Variants in CPD observed in about 807,000 individuals in gnomAD.
The protein encoded by CPD is metallocarboxypeptidase D.
Under a neutral mutation model 138.3 loss-of-function variants are expected in CPD, and 69 were observed. The observed-to-expected ratio is 0.50, with a 90% CI of 0.41 to 0.61. The LOEUF is 0.61. Among genes scored for constraint, CPD ranks in the 20% least tolerant of loss-of-function variants. The pLI, the probability that CPD is intolerant of heterozygous loss-of-function variation, is 0.00. For synonymous variants in CPD, 651 were observed against 642.1 expected (o/e 1.01, Z -0.21); for missense variants, 1,432 against 1,733.3 (o/e 0.83, Z 3.09).
At chr17:30,449,156 G>C (rs377148954) in intron 12 of CPD, among the ~76,000 whole-genome samples, 2 of 151,070 alleles carry the variant, frequency 1.3e-5, no homozygotes, top group East Asian at 3.9e-4. Flanking sequence ...ATAAATAAGG[G>C]AGGTTATCTA....
chr17:30,455,252 A>G, intron 14 of CPD, 87 bp from the exon 15 acceptor site: 1 of 1,107,216 alleles, frequency 9.0e-7, no homozygotes, highest in Non-Finnish European at 1.3e-6. Flanking sequence ...TAGCATTTTG[A>G]TTGTATTCAA....
chr17:30,380,582 A>G, intron 1 of CPD: 1 of 1,501,960 alleles, frequency 6.7e-7, no homozygotes. Flanking sequence ...ATTACAAAGT[A>G]GAAGAAGGAG....
intron 2 of CPD, among the ~76,000 whole-genome samples, chr17:30,411,848 A>G (rs909869380): frequency 6.6e-6 from 1 of 152,196 alleles, no homozygotes; most frequent in East Asian, 1.9e-4. Flanking sequence ...AACCTTCGGA[A>G]GCCTACTTCT....
chr17:30,398,103 A>G (rs1193216682), intron 2 of CPD, among the ~76,000 whole-genome samples: 2 of 151,966 alleles, frequency 1.3e-5, no homozygotes, highest in Non-Finnish European at 2.9e-5. Context: ...TGTGAATACC[A>G]ACTTAAAAAT....
intron 2 of CPD, among the ~76,000 whole-genome samples, chr17:30,409,769 C>T (rs533795901): frequency 1.3e-5 from 2 of 152,060 alleles, no homozygotes; most frequent in African/African-American, 4.8e-5. Context: ...GTCTTGCTAG[C>T]AGTCTATCAA....
At position 30,465,012 on chromosome 17, in the gene CPD, A is replaced by C; in HGVS notation, c.*198A>C. On this transcript the variant is annotated 3_prime_UTR_variant, in exon 21 of 21. Transcript: ENST00000225719. ...CCTTAAAGTACTCTAAACCTTTAAA[A>C]AAAAATCTGATTTATGCAGCAGAGA... The C allele has an allele frequency of 1.8e-6, 1 of 551,174 alleles. No individual in the cohort carries two copies. The highest frequency in any genetic ancestry group is 4.8e-4 in the Middle Eastern group (1 of 2,090). 34.1% of individuals were successfully genotyped at this position (551,174 alleles called of 1,614,324 possible). A position where few individuals can be genotyped will look rare whatever the true frequency, so the allele number is the denominator to read the frequency against.
At position 30,462,363 on chromosome 17, in the gene CPD, C is replaced by T; in HGVS notation, c.3817-7C>T. On this transcript the variant is annotated splice_polypyrimidine_tract_variant and splice_region_variant and intron_variant, in intron 19 of 20. Transcript: ENST00000225719. ...TTTGTCATGATTCTTACACTTTCTC[C>T]TTCTAGGTCTTTGTGCATCATGATG... 6.2e-7 allele frequency: 1 copy of T among 1,608,312 alleles called. No homozygotes were observed. The highest frequency in any genetic ancestry group is 2.2e-5 in the East Asian group (1 of 44,848).
In CPD at chr17:30,379,721, G is replaced by A. The variant is rs567150494; in HGVS notation, c.741G>A (p.Arg247=). ...EVRALIEWIR[R]NKFVLSGNLH... ...GCGCCCTCATCGAGTGGATCCGCAG[G>A]AACAAGTGAGTGTTGCCTGCCCCCT... Residue 247 remains arginine, a synonymous_variant, in exon 1 of 21, where the codon AGG becomes AGA. Transcript: ENST00000225719. The surrounding 1 kb of genome is among the most constrained non-coding windows in gnomAD (Gnocchi z 7.0). The A allele has an allele frequency of 6.7e-6, 10 of 1,486,836 alleles. No homozygotes were observed. The African/African-American group carries it at 7.4e-5, about 11-fold the overall frequency. 92.1% of individuals were successfully genotyped at this position (1,486,836 alleles called of 1,614,324 possible).
chr17:30,464,819 C>T lies in CPD; in HGVS notation c.*5C>T, dbSNP rs1226638824. 6 of 1,609,542 alleles carry T rather than the reference C, an allele frequency of 3.7e-6. No homozygotes were observed. Among genetic ancestry groups the T allele is most frequent in the South Asian group, 2.2e-5 (2 of 90,998 alleles). On this transcript the variant is annotated 3_prime_UTR_variant, in exon 21 of 21. Transcript: ENST00000225719. The stretch of plus-strand genomic sequence containing the variant: ...TTATATTCTAGCAAACATTGAAAAA[C>T]ACATTTTGCATATCTCCCAGCATAA...
intron 13 of CPD, 132 bp from the exon 14 acceptor site, chr17:30,451,579 T>G: frequency 2.5e-6 from 2 of 805,910 alleles, no homozygotes; most frequent in Non-Finnish European, 3.7e-6. Flanking sequence ...TTTTTTATTT[T>G]TTCATTCATC....
chr17:30,469,706 A>C lies in CPD; in HGVS notation c.*4892A>C, dbSNP rs1913735665. ...AAAGCATGGCAGTAAAGTTTTAATT[A>C]TGCCAAGATGCTTCATATTTGTTTT... On this transcript the variant is annotated 3_prime_UTR_variant, in exon 21 of 21. Coordinates refer to ENST00000225719, the MANE Select transcript of CPD (RefSeq NM_001304.5). 6.6e-6 allele frequency: 1 copy of C among 152,216 alleles called. No homozygotes were observed. The highest frequency in any genetic ancestry group is 6.5e-5 in the Admixed American group (1 of 15,280). The allele number at this position is 152,216 out of a possible 1,614,324, so 9.4% of individuals were successfully genotyped here.
At chr17:30,437,123 GTGGGGAGTAGGGGT>G (rs1912724676) in intron 8 of CPD, among the ~76,000 whole-genome samples, 1 of 151,652 alleles carries the variant, frequency 6.6e-6, no homozygotes, top group African/African-American at 2.4e-5. Context: ...TGGAGTGGGG[GTGGGGAGTAGGGGT>G]TGGGGAAAAA....
intron 2 of CPD, among the ~76,000 whole-genome samples, chr17:30,406,533 G>A (rs2143369534): frequency 6.6e-6 from 1 of 152,220 alleles, no homozygotes. Flanking sequence ...TTAAAAACCT[G>A]ATTAGGTAAC....
At position 30,469,195 on chromosome 17, in the gene CPD, A is replaced by G. The variant is rs1478911945; in HGVS notation, c.*4381A>G. On this transcript the variant is annotated 3_prime_UTR_variant, in exon 21 of 21. Transcript: ENST00000225719. Reference sequence around the variant, plus strand: ...AACAGACTCTGCTGATAAAGTACTCATAGTCCAGACCAGAGAAATATAAAT... The same window carrying G: ...AACAGACTCTGCTGATAAAGTACTCGTAGTCCAGACCAGAGAAATATAAAT... 6.6e-6 allele frequency: 1 copy of G among 152,234 alleles called. No homozygotes were observed. Among genetic ancestry groups the G allele is most frequent in the East Asian group, 1.9e-4 (1 of 5,200 alleles). 9.4% of individuals were successfully genotyped at this position (152,234 alleles called of 1,614,324 possible). A position where few individuals can be genotyped will look rare whatever the true frequency, so the allele number is the denominator to read the frequency against.
intron 12 of CPD, among the ~76,000 whole-genome samples, chr17:30,446,815 C>T (rs1390503519): frequency 6.6e-6 from 1 of 152,214 alleles, no homozygotes; most frequent in Non-Finnish European, 1.5e-5. Flanking sequence ...GTTCCTATTT[C>T]TCCACATCCT....
rs1381640506 is a variant in CPD at position 30,449,642 on chromosome 17, G to C, written c.2963G>C (p.Arg988Pro). ...TCTGAGCCTGAAGAACCAAAGATTC[G>C]TTTTGTTGCTGGTATCCATGGAAAT... ...NVSEPEEPKI[R>P]FVAGIHGNAP... is the part of the protein sequence containing the mutation. Residue 988 changes from arginine (R) to proline (P), a missense_variant, in exon 13 of 21, where the codon CGT becomes CCT. By Grantham distance (103) the Arg-to-Pro change is moderately radical. Coordinates refer to ENST00000225719, the MANE Select transcript of CPD (RefSeq NM_001304.5). 1 of 1,609,578 alleles carries C rather than the reference G, an allele frequency of 6.2e-7. No homozygotes were observed.
intron 15 of CPD, 102 bp downstream of exon 15, chr17:30,455,572 G>C: frequency 7.4e-7 from 1 of 1,343,696 alleles, no homozygotes. Flanking sequence ...GAGCATTTGA[G>C]CACACTCTAT....
intron 5 of CPD, 74 bp from the exon 6 acceptor site, chr17:30,423,432 T>A (rs779952909): frequency 1.7e-6 from 2 of 1,146,272 alleles, no homozygotes; most frequent in South Asian, 3.7e-5. Context: ...GATTTATATA[T>A]GTTGCGGAAA....
chr17:30,437,857 G>A (rs1912745635), intron 8 of CPD, among the ~76,000 whole-genome samples: 1 of 152,014 alleles, frequency 6.6e-6, no homozygotes, highest in South Asian at 2.1e-4. Flanking sequence ...TTTTTGTTAG[G>A]ACAGAGTCTT....
Sources: allele counts gnomAD v4.1 joint callset (sites outside exome capture counted in the v4.1 genomes callset), GRCh38; gene constraint gnomAD v4.1.1; non-coding constraint Gnocchi (gnomAD v3.1); transcripts MANE v1.5; gene names NCBI Gene and HGNC (gene_info 2026-07-23, HGNC 2026-07-21).